METTL16: variants seen among roughly 807,000 people sequenced by gnomAD.
The protein encoded by METTL16 is methyltransferase 16, RNA N6-adenosine.
A neutral mutation model predicts 57.9 loss-of-function variants in METTL16; 19 were observed. The ratio of observed to expected loss-of-function variants is 0.33; its 90% CI spans 0.23 to 0.48. The LOEUF (loss-of-function observed/expected upper bound fraction) is 0.48. METTL16 is among the 20% of genes least tolerant of loss of function. The pLI, the probability that METTL16 is intolerant of heterozygous loss-of-function variation, is 0.99. For missense variants in METTL16, 434 were observed against 691.5 expected, an observed-to-expected ratio of 0.63 and a Z score of 4.18; for synonymous variants, 246 against 255.6, an observed-to-expected ratio of 0.96 and a Z score of 0.36.
At chr17:2,444,107 G>A (rs2066974988) in intron 6 of METTL16, among the ~76,000 whole-genome samples, 1 of 152,120 alleles carries the variant, frequency 6.6e-6, no homozygotes, top group Admixed American at 6.6e-5. Context: ...ATACAGCCAT[G>A]AGTCACATAA....
intron 2 of METTL16, among the ~76,000 whole-genome samples, chr17:2,485,450 T>C (rs959566576): frequency 2.6e-5 from 4 of 151,766 alleles, no homozygotes; most frequent in African/African-American, 7.3e-5. Flanking sequence ...CATGAAAAAA[T>C]TGTCATCCGT....
chr17:2,453,160 G>A (rs897817265), intron 6 of METTL16, among the ~76,000 whole-genome samples: 5 of 151,894 alleles, frequency 3.3e-5, no homozygotes, highest in African/African-American at 4.8e-5. Flanking sequence ...GCGCCCCCAC[G>A]GAAACAAGTG....
chr17:2,505,415 T>A (rs2067524274), intron 1 of METTL16, among the ~76,000 whole-genome samples: 2 of 131,292 alleles, frequency 1.5e-5, no homozygotes, highest in Non-Finnish European at 3.1e-5. Flanking sequence ...TTTTTTTTTT[T>A]TTTTTTTTTT....
rs371641819 is a variant in METTL16 at position 2,420,854 on chromosome 17, T to C, written c.939A>G (p.Thr313=). The part of the protein sequence containing the change: ...RKLEKPRKPI[T]FVVLASVMKE... Reference sequence around the variant, plus strand: ...TCATCACGGACGCCAGCACCACGAATGTTATGGGTTTTCTCGGTTTCTCTA... The same window carrying C: ...TCATCACGGACGCCAGCACCACGAACGTTATGGGTTTTCTCGGTTTCTCTA... The change falls in exon 9 of 10, where the codon ACA becomes ACG. Residue 313 remains threonine (T), a synonymous_variant. Coordinates refer to ENST00000263092, the MANE Select transcript of METTL16 (RefSeq NM_024086.4). The surrounding 1 kb of genome is among the most constrained non-coding windows in gnomAD (Gnocchi z 5.4). 1 of 1,614,210 alleles carries C rather than the reference T, an allele frequency of 6.2e-7. No individual in the cohort carries two copies. The highest frequency in any genetic ancestry group is 8.5e-7 in the Non-Finnish European group (1 of 1,180,032).
chr17:2,482,031 C>T (rs1253076725), intron 2 of METTL16, among the ~76,000 whole-genome samples: 2 of 152,132 alleles, frequency 1.3e-5, no homozygotes, highest in African/African-American at 2.4e-5. Context: ...AAGTGTGACA[C>T]AATTTTATGC....
intron 2 of METTL16, among the ~76,000 whole-genome samples, chr17:2,489,031 C>T (rs1286623370): frequency 2.0e-5 from 3 of 151,964 alleles, no homozygotes; most frequent in Non-Finnish European, 2.9e-5. Context: ...TACTGATAAC[C>T]CTAAGTTAAC....
intron 1 of METTL16, among the ~76,000 whole-genome samples, chr17:2,507,564 C>T (rs1281144583): frequency 2.6e-5 from 4 of 151,954 alleles, no homozygotes; most frequent in Admixed American, 6.5e-5. Flanking sequence ...CGCCTCTGCC[C>T]GGCCGCCCCT....
intron 1 of METTL16, among the ~76,000 whole-genome samples, chr17:2,507,200 G>C (rs1469747952): frequency 6.9e-6 from 1 of 144,692 alleles, no homozygotes; most frequent in Non-Finnish European, 1.5e-5. Context: ...GGAAGGAGGT[G>C]AGGGGGTCAG....
chr17:2,501,511 C>G (rs2067487195), intron 2 of METTL16, among the ~76,000 whole-genome samples: 1 of 152,092 alleles, frequency 6.6e-6, no homozygotes, highest in South Asian at 2.1e-4. Flanking sequence ...GAAATCAGTC[C>G]TGATGTCCTG....
intron 6 of METTL16, among the ~76,000 whole-genome samples, chr17:2,448,781 T>TA (rs1369462081): frequency 0.064 from 2,161 of 33,538 alleles, 117 homozygotes; most frequent in African/African-American, 0.2. Flanking sequence ...AATAAAAAAA[T>TA]AAAAAAATAA....
chr17:2,450,311 T>C (rs2067059234), intron 6 of METTL16, among the ~76,000 whole-genome samples: 2 of 152,226 alleles, frequency 1.3e-5, no homozygotes, highest in African/African-American at 4.8e-5. Context: ...CAAAAAATCA[T>C]GGATATGCTG....
rs777722874 is a variant in METTL16 at position 2,473,624 on chromosome 17, G to A, written c.369C>T (p.Thr123=). 1 of 1,614,102 alleles carries A rather than the reference G, an allele frequency of 6.2e-7. No individual in the cohort carries two copies. Among genetic ancestry groups the A allele is most frequent in the Admixed American group, 1.7e-5 (1 of 60,008 alleles). The part of the protein sequence containing the change: ...ASCIYPLLGA[T]LNGWYFLATE... ...TTGCGAGGAAATACCAGCCATTCAA[G>A]GTTGCTCCAAGTAAGGGGTAGATGC... Residue 123 remains threonine, a synonymous_variant, in exon 4 of 10, where the codon ACC becomes ACT. Transcript: ENST00000263092.
intron 3 of METTL16, among the ~76,000 whole-genome samples, chr17:2,474,386 G>GAA (rs752477163): frequency 3.8e-4 from 23 of 60,238 alleles, no homozygotes; most frequent in Admixed American, 8.1e-4. Context: ...GAAACAAAAA[G>GAA]AAAAAAAAAA....
intron 2 of METTL16, among the ~76,000 whole-genome samples, chr17:2,488,482 G>A (rs539908813): frequency 3.3e-5 from 5 of 152,028 alleles, no homozygotes; most frequent in African/African-American, 1.2e-4. Context: ...GCTTCAACCC[G>A]GGAGGCGGAT....
intron 6 of METTL16, among the ~76,000 whole-genome samples, chr17:2,446,095 T>G (rs1181662842): frequency 2.6e-5 from 4 of 152,094 alleles, no homozygotes; most frequent in African/African-American, 9.7e-5. Flanking sequence ...TTAAAAACTC[T>G]AAACAGACTA....
intron 1 of METTL16, among the ~76,000 whole-genome samples, chr17:2,509,254 T>C (rs1225979351): frequency 6.6e-6 from 1 of 152,212 alleles, no homozygotes; most frequent in African/African-American, 2.4e-5. Flanking sequence ...AATTCAGAAT[T>C]TGAGGGGATT....
At chr17:2,454,587 C>T (rs1192069875) in intron 6 of METTL16, among the ~76,000 whole-genome samples, 3 of 127,736 alleles carry the variant, frequency 2.3e-5, no homozygotes, top group Non-Finnish European at 3.1e-5. Flanking sequence ...TTTTTTGAGA[C>T]GGAGTCTTGC....
chr17:2,497,789 C>G (rs1357857069), intron 2 of METTL16, among the ~76,000 whole-genome samples: 14 of 150,570 alleles, frequency 9.3e-5, no homozygotes, highest in Non-Finnish European at 1.8e-4. Context: ...TGCAGTGGCG[C>G]GATCATGGTT....
At chr17:2,455,959 G>A (rs572186862) in intron 6 of METTL16, among the ~76,000 whole-genome samples, 2 of 151,872 alleles carry the variant, frequency 1.3e-5, no homozygotes, top group African/African-American at 2.4e-5. Flanking sequence ...CTCTAGTCTG[G>A]GTGACAGAGC....
Sources: gnomAD v4.1 joint callset for allele counts (sites outside exome capture counted in the v4.1 genomes callset) on GRCh38, gnomAD v4.1.1 for gene constraint, Gnocchi (gnomAD v3.1) non-coding constraint, MANE v1.5 for transcripts, NCBI Gene and HGNC (gene_info 2026-07-23, HGNC 2026-07-21) for gene names.